The following TSPAN9 variants were observed in gnomAD, a reference collection of about 807,000 sequenced individuals.
The protein encoded by TSPAN9 is tetraspanin 9, also known as tetraspanin-9.
A neutral mutation model predicts 31.0 loss-of-function variants in TSPAN9; 16 were observed. The ratio of observed to expected loss-of-function variants is 0.52; its 90% CI spans 0.35 to 0.78. TSPAN9 has a LOEUF of 0.78. Among genes scored for constraint, TSPAN9 ranks in the 30% least tolerant of loss-of-function variants. TSPAN9 has a pLI of 0.01. For missense variants in TSPAN9, 272 were observed against 312.5 expected (o/e 0.87, Z 0.98); for synonymous variants, 145 against 121.6 (o/e 1.19, Z -1.27).
intron 2 of TSPAN9, among the ~76,000 whole-genome samples, chr12:3,164,092 G>A (rs74872991): frequency 0.11 from 16,971 of 152,232 alleles, 1,027 homozygotes; most frequent in African/African-American, 0.13. Flanking sequence ...ACTGAGGCTG[G>A]ACCGTTCATT....
chr12:3,181,263 G>A (rs12315958), intron 2 of TSPAN9, among the ~76,000 whole-genome samples: 44,011 of 152,088 alleles, frequency 0.29, 6,618 homozygotes, highest in African/African-American at 0.34. Flanking sequence ...AGTGTGGTGT[G>A]TGCCAGGCAC....
intron 2 of TSPAN9, among the ~76,000 whole-genome samples, chr12:3,166,963 ATTTTTGTAT>A (rs1264033480): frequency 6.6e-6 from 1 of 151,860 alleles, no homozygotes; most frequent in Non-Finnish European, 1.5e-5. Context: ...CGCCCGGCTA[ATTTTTGTAT>A]TTTTAGTAGA....
chr12:3,082,242 G>A (rs567980795), intron 1 of TSPAN9, among the ~76,000 whole-genome samples: 1 of 152,342 alleles, frequency 6.6e-6, no homozygotes, highest in South Asian at 2.1e-4. Context: ...CCGGAGGGGA[G>A]CTTGCATTTC....
intron 3 of TSPAN9, among the ~76,000 whole-genome samples, chr12:3,262,984 C>T (rs914992058): frequency 6.6e-6 from 1 of 152,136 alleles, no homozygotes; most frequent in Admixed American, 6.5e-5. Flanking sequence ...CACAAGGGGG[C>T]GAGCAGTAAA....
rs942119934 is a variant in TSPAN9 at position 3,280,295 on chromosome 12, C to T, written c.331-87C>T. On this transcript the variant is annotated intron_variant, in intron 5 of 8. Transcript: ENST00000011898. This position sits in a 1 kb window ranked among gnomAD's most constrained non-coding sequence, Gnocchi z 4.5. ...TGCCTTCCTCACTCCTCATCTGTCA[C>T]CCACCATCCTGGGTGACCTGAGGTG... 3.3e-6 allele frequency: 4 copies of T among 1,228,644 alleles called. No homozygotes were observed. Among genetic ancestry groups the T allele is most frequent in the East Asian group, 4.7e-5 (2 of 42,376 alleles). The allele number at this position is 1,228,644 out of a possible 1,614,324, so 76.1% of individuals were successfully genotyped here.
chr12:3,194,811 G>A (rs960500259), intron 2 of TSPAN9, among the ~76,000 whole-genome samples: 2 of 152,096 alleles, frequency 1.3e-5, no homozygotes, highest in African/African-American at 4.8e-5. Context: ...CCTGAATCAC[G>A]GCCAAGTATG....
At position 3,187,949 on chromosome 12, in the gene TSPAN9, C is replaced by G. The variant is rs369270518; in HGVS notation, c.-17-13228C>G. 2.6e-4 allele frequency among the ~76,000 whole-genome samples: 40 copies of G among 152,284 alleles called. No individual in the cohort carries two copies. The highest frequency in any genetic ancestry group is 9.4e-4 in the African/African-American group (39 of 41,562). On this transcript the variant is annotated intron_variant, in intron 2 of 8. Transcript: ENST00000011898. The surrounding 1 kb of genome is among the most constrained non-coding windows in gnomAD (Gnocchi z 5.2). ...TGCCCAGATGCAGATGGAGCGTTTG[C>G]TCTGTAATGCTAATTCTCCTTGGCA...
intron 3 of TSPAN9, among the ~76,000 whole-genome samples, chr12:3,251,485 A>AAAAGTTCTTTTTTCAAAAGTTCTT (rs1862243672): frequency 4.6e-5 from 7 of 152,124 alleles, no homozygotes; most frequent in African/African-American, 1.5e-4. Flanking sequence ...TTGATTTCTG[A>AAAAGTTCTTTTTTCAAAAGTTCTT]TTATAAAACT....
intron 3 of TSPAN9, among the ~76,000 whole-genome samples, chr12:3,269,149 T>TGCCCTCTGTGCGTTCCTGCAGCC (rs1565639936): frequency 0.047 from 1,562 of 33,192 alleles, 351 homozygotes; most frequent in Non-Finnish European, 0.076. Context: ...TTCCTGCAGC[T>TGCCCTCTGTGCGTTCCTGCAGCC]TGCCCTCTGT....
chr12:3,091,093 C>A (rs1008188194), intron 2 of TSPAN9, among the ~76,000 whole-genome samples: 2 of 152,254 alleles, frequency 1.3e-5, no homozygotes, highest in African/African-American at 4.8e-5. Context: ...TTGGTACTCC[C>A]TGCTGATTTT....
chr12:3,278,393 A>G, intron 3 of TSPAN9, 28 bp from the exon 4 acceptor site: 1 of 1,612,264 alleles, frequency 6.2e-7, no homozygotes, highest in Non-Finnish European at 8.5e-7. Context: ...GAGCAGCGCC[A>G]GGCTAATGGG....
At chr12:3,086,740 C>G (rs981451798) in intron 2 of TSPAN9, among the ~76,000 whole-genome samples, 1 of 152,228 alleles carries the variant, frequency 6.6e-6, no homozygotes, top group African/African-American at 2.4e-5. Context: ...CTAACTCTCA[C>G]AGCACGTTTG....
At chr12:3,124,434 TC>T (rs943319782) in intron 2 of TSPAN9, among the ~76,000 whole-genome samples, 5 of 152,000 alleles carry the variant, frequency 3.3e-5, no homozygotes, top group African/African-American at 1.2e-4. Context: ...TTTGATACAT[TC>T]TTTTTTTTTT....
chr12:3,104,370 T>G (rs2098313243), intron 2 of TSPAN9, among the ~76,000 whole-genome samples: 1 of 151,952 alleles, frequency 6.6e-6, no homozygotes, highest in East Asian at 1.9e-4. Context: ...GTTGTTGTTT[T>G]GAGGTAGGGT....
chr12:3,130,329 C>T (rs183864418), intron 2 of TSPAN9, among the ~76,000 whole-genome samples: 162 of 152,366 alleles, frequency 1.1e-3, no homozygotes, highest in Non-Finnish European at 1.9e-4. Context: ...TATTTAACAA[C>T]ATTTCCCCAA....
chr12:3,093,907 C>A (rs1029783781), intron 2 of TSPAN9, among the ~76,000 whole-genome samples: 3 of 152,180 alleles, frequency 2.0e-5, no homozygotes, highest in African/African-American at 7.2e-5. Context: ...CTGTCATGCA[C>A]GCTGAAGTGC....
At chr12:3,239,667 C>T (rs1276245723) in intron 3 of TSPAN9, among the ~76,000 whole-genome samples, 1 of 152,162 alleles carries the variant, frequency 6.6e-6, no homozygotes, top group East Asian at 1.9e-4. Flanking sequence ...AGGTTACTTG[C>T]ATAGGTCAGC....
intron 2 of TSPAN9, among the ~76,000 whole-genome samples, chr12:3,189,501 A>G (rs2098363167): frequency 6.6e-6 from 1 of 152,220 alleles, no homozygotes; most frequent in Non-Finnish European, 1.5e-5. Flanking sequence ...GAGCCTGGTC[A>G]GGAGACTGGC....
At chr12:3,120,413 ACCAGCAG>A (rs1300274031) in intron 2 of TSPAN9, among the ~76,000 whole-genome samples, 1 of 152,094 alleles carries the variant, frequency 6.6e-6, no homozygotes, top group African/African-American at 2.4e-5. Flanking sequence ...CCCTTGTGCC[ACCAGCAG>A]CCACAGCCTT....
Sources: gnomAD v4.1 joint callset for allele counts (sites outside exome capture counted in the v4.1 genomes callset) on GRCh38, gnomAD v4.1.1 for gene constraint, Gnocchi (gnomAD v3.1) non-coding constraint, MANE v1.5 for transcripts, NCBI Gene and HGNC (gene_info 2026-07-23, HGNC 2026-07-21) for gene names.